The following PTPRD variants were observed in gnomAD, a reference collection of about 807,000 sequenced individuals.
PTPRD encodes receptor-type tyrosine-protein phosphatase delta.
In PTPRD, 34 loss-of-function variants were observed where a neutral mutation model predicts 214.5. The observed-to-expected ratio is 0.16, with a 90% CI of 0.12 to 0.21. The LOEUF is 0.21. Ranked by LOEUF, PTPRD falls within the 10% of genes least tolerant of loss-of-function variation. PTPRD has a pLI of 1.00. For missense variants in PTPRD, 2,545 were observed against 2,398.7 expected (o/e 1.06, Z -1.27); for synonymous variants, 1,128 against 845.7 (o/e 1.33, Z -5.79).
intron 39 of PTPRD, among the ~76,000 whole-genome samples, chr9:8,360,404 T>TA (rs2078181299): frequency 6.6e-6 from 1 of 152,226 alleles, no homozygotes; most frequent in Non-Finnish European, 1.5e-5. Context: ...CTGGTGAATC[T>TA]AATATACAGT....
At position 10,153,675 on chromosome 9, in the gene PTPRD, T is replaced by C. The variant is rs562276850; in HGVS notation, c.-544-119885A>G. ...CCTAGTATTCATTAGTTATTTTTCCTAATTCTTTCTCTCCCACCCTTCACC... is the reference window on the plus strand; with the variant it reads ...CCTAGTATTCATTAGTTATTTTTCCCAATTCTTTCTCTCCCACCCTTCACC... On this transcript the variant is annotated intron_variant, in intron 3 of 45. Coordinates refer to ENST00000381196, the MANE Select transcript of PTPRD (RefSeq NM_002839.4). 9.2e-5 allele frequency among the ~76,000 whole-genome samples: 14 copies of C among 152,252 alleles called. No homozygotes were observed. The South Asian group carries it at 2.7e-3, about 29-fold the overall frequency.
intron 12 of PTPRD, among the ~76,000 whole-genome samples, chr9:8,665,434 G>C (rs1180791441): frequency 2.0e-5 from 3 of 152,174 alleles, no homozygotes; most frequent in South Asian, 2.1e-4. Flanking sequence ...TTAAAAGGCA[G>C]GGTTTTTTGT....
At chr9:8,538,125 T>C (rs1296839062) in intron 14 of PTPRD, among the ~76,000 whole-genome samples, 1 of 151,986 alleles carries the variant, frequency 6.6e-6, no homozygotes, top group African/African-American at 2.4e-5. Context: ...CCAATATCCA[T>C]CCACTTTCAC....
At chr9:9,517,405 A>C (rs2096864475) in intron 8 of PTPRD, among the ~76,000 whole-genome samples, 1 of 152,274 alleles carries the variant, frequency 6.6e-6, no homozygotes, top group Middle Eastern at 3.4e-3. Flanking sequence ...TATACTAAGC[A>C]GAACAAAGAG....
chr9:9,484,243 T>C (rs1468165989), intron 8 of PTPRD, among the ~76,000 whole-genome samples: 2 of 152,022 alleles, frequency 1.3e-5, no homozygotes, highest in Non-Finnish European at 2.9e-5. Flanking sequence ...CTTCTGGTCA[T>C]GTAAGTCAGT....
rs937777896 is a variant in PTPRD at position 9,634,787 on chromosome 9, A to G, written c.-286-60006T>C. 3.3e-5 allele frequency among the ~76,000 whole-genome samples: 5 copies of G among 152,258 alleles called. No homozygotes were observed. In the East Asian group the frequency reaches 7.7e-4, roughly 23 times the overall value. On this transcript the variant is annotated intron_variant, in intron 7 of 45. Coordinates refer to ENST00000381196, the MANE Select transcript of PTPRD (RefSeq NM_002839.4). ...GAATGTGTATAGAGTTAAGTGTATA[A>G]TATAACATCCCACTGTGTTAATGGG...
chr9:9,965,342 T>A (rs1206924782), intron 4 of PTPRD, among the ~76,000 whole-genome samples: 1 of 152,068 alleles, frequency 6.6e-6, no homozygotes, highest in South Asian at 2.1e-4. Context: ...TGGGTGTTAA[T>A]GAGAGGAGAA....
intron 9 of PTPRD, among the ~76,000 whole-genome samples, chr9:9,236,930 G>A (rs1047558202): frequency 6.3e-4 from 96 of 152,072 alleles, no homozygotes; most frequent in Admixed American, 6.0e-3. Context: ...TGAAAAGGCT[G>A]CACCTTTTTG....
At chr9:10,275,943 A>C (rs571057941) in intron 3 of PTPRD, among the ~76,000 whole-genome samples, 9 of 152,310 alleles carry the variant, frequency 5.9e-5, no homozygotes, top group African/African-American at 1.9e-4. Flanking sequence ...ATTCTGAATG[A>C]GTGACTCATT....
chr9:8,746,078 G>C (rs1463014527), intron 11 of PTPRD, among the ~76,000 whole-genome samples: 2 of 151,898 alleles, frequency 1.3e-5, no homozygotes, highest in African/African-American at 4.9e-5. Context: ...ACAGGCATGA[G>C]CCACCATGCC....
intron 14 of PTPRD, among the ~76,000 whole-genome samples, chr9:8,589,381 G>A (rs1177084318): frequency 6.6e-6 from 1 of 152,136 alleles, no homozygotes; most frequent in Non-Finnish European, 1.5e-5. Flanking sequence ...TGGAATTCTG[G>A]AACTAAATCA....
intron 11 of PTPRD, among the ~76,000 whole-genome samples, chr9:8,936,819 C>A (rs2154290767): frequency 6.6e-6 from 1 of 152,246 alleles, no homozygotes; most frequent in South Asian, 2.1e-4. Flanking sequence ...ATATGGTGAA[C>A]ATGGGATAAT....
chr9:8,480,247 T>C (rs2096852652), intron 30 of PTPRD, among the ~76,000 whole-genome samples: 2 of 152,094 alleles, frequency 1.3e-5, no homozygotes. Flanking sequence ...TCAGAGACGC[T>C]CTATCCTCTG....
intron 3 of PTPRD, among the ~76,000 whole-genome samples, chr9:10,246,917 A>C (rs1319458051): frequency 6.6e-6 from 1 of 151,534 alleles, no homozygotes; most frequent in African/African-American, 2.4e-5. Context: ...AATAAACAAT[A>C]AATATAAAAT....
At chr9:9,262,878 G>C (rs1056837958) in intron 9 of PTPRD, among the ~76,000 whole-genome samples, 1 of 151,542 alleles carries the variant, frequency 6.6e-6, no homozygotes, top group Non-Finnish European at 1.5e-5. Flanking sequence ...TCTATGTTGT[G>C]TTGACTCTGC....
intron 5 of PTPRD, among the ~76,000 whole-genome samples, chr9:9,798,617 C>A (rs771325451): frequency 2.6e-5 from 4 of 152,102 alleles, no homozygotes; most frequent in Non-Finnish European, 4.4e-5. Context: ...TGTTAAGATG[C>A]CATATTTTGG....
At chr9:9,171,675 T>C (rs1483546133) in intron 10 of PTPRD, among the ~76,000 whole-genome samples, 1 of 151,976 alleles carries the variant, frequency 6.6e-6, no homozygotes, top group Non-Finnish European at 1.5e-5. Context: ...GGTAGACATA[T>C]TGATGAGGAA....
At chr9:10,024,713 T>C (rs947219440) in intron 4 of PTPRD, among the ~76,000 whole-genome samples, 21 of 150,966 alleles carry the variant, frequency 1.4e-4, no homozygotes, top group Non-Finnish European at 2.8e-4. Flanking sequence ...ATGTGCCATG[T>C]TGGTGTGCTG....
intron 10 of PTPRD, among the ~76,000 whole-genome samples, chr9:9,040,905 C>T (rs963717788): frequency 3.3e-5 from 5 of 152,000 alleles, no homozygotes; most frequent in Admixed American, 2.6e-4. Context: ...GAAGAAATTC[C>T]CCAGCTTTTA....
Sources: gnomAD v4.1 joint callset for allele counts (sites outside exome capture counted in the v4.1 genomes callset) on GRCh38, gnomAD v4.1.1 for gene constraint, MANE v1.5 for transcripts, NCBI Gene and HGNC (gene_info 2026-07-23, HGNC 2026-07-21) for gene names.